The following MTHFD2L variants were observed in gnomAD, a reference collection of about 807,000 sequenced individuals.
MTHFD2L encodes the protein methylenetetrahydrofolate dehydrogenase (NADP+ dependent) 2 like.
In MTHFD2L, 29 loss-of-function variants were observed where a neutral mutation model predicts 34.9. That is an observed-to-expected ratio of 0.83 (90% CI 0.62 to 1.13). The LOEUF (loss-of-function observed/expected upper bound fraction) is 1.13, where lower values mean the gene tolerates loss of function less well. Among genes scored for constraint, MTHFD2L ranks in the 50% most tolerant of loss-of-function variants. The pLI is 0.00. For synonymous variants in MTHFD2L, 167 were observed against 155.7 expected (o/e 1.07, Z -0.54); for missense variants, 481 against 446.5 (o/e 1.08, Z -0.70).
At chr4:74,266,452 A>G (rs1745296449) in intron 6 of MTHFD2L, among the ~76,000 whole-genome samples, 1 of 152,106 alleles carries the variant, frequency 6.6e-6, no homozygotes, top group Non-Finnish European at 1.5e-5. Context: ...CTATTTAATT[A>G]TTTGGGACCA....
chr4:74,199,742 C>A, intron 3 of MTHFD2L, 52 bp from the exon 4 acceptor site: 1 of 1,480,900 alleles, frequency 6.8e-7, no homozygotes, highest in Non-Finnish European at 9.1e-7. Context: ...ATTTTTCAGG[C>A]TACCAAATAA....
At chr4:74,191,061 C>T (rs1732387821) in intron 3 of MTHFD2L, among the ~76,000 whole-genome samples, 1 of 152,002 alleles carries the variant, frequency 6.6e-6, no homozygotes, top group Non-Finnish European at 1.5e-5. Flanking sequence ...CCACCATGCC[C>T]ATCTAATTTT....
intron 3 of MTHFD2L, chr4:74,194,073 G>A (rs957987533): frequency 1.3e-5 from 2 of 152,130 alleles, no homozygotes; most frequent in Non-Finnish European, 2.9e-5. Context: ...GGGACTTAAA[G>A]ATTTGCTTCT....
intron 2 of MTHFD2L, among the ~76,000 whole-genome samples, chr4:74,115,428 C>G (rs1721640981): frequency 6.6e-6 from 1 of 152,198 alleles, no homozygotes; most frequent in South Asian, 2.1e-4. Flanking sequence ...AGTATGACAG[C>G]CTCCCAAGTC....
chr4:74,291,531 T>C (rs531003929), intron 7 of MTHFD2L, among the ~76,000 whole-genome samples: 6 of 152,294 alleles, frequency 3.9e-5, no homozygotes, highest in South Asian at 2.1e-4. Context: ...TAATGATACA[T>C]CCATTGATTC....
intron 1 of MTHFD2L, among the ~76,000 whole-genome samples, chr4:74,127,870 T>C (rs1006822237): frequency 6.6e-6 from 1 of 152,114 alleles, no homozygotes; most frequent in African/African-American, 2.4e-5. Context: ...CACCAACATG[T>C]ATGAGGGTTT....
intron 6 of MTHFD2L, among the ~76,000 whole-genome samples, chr4:74,269,033 C>T (rs1745639907): frequency 6.6e-6 from 1 of 152,068 alleles, no homozygotes; most frequent in African/African-American, 2.4e-5. Flanking sequence ...AAGACATAAG[C>T]TTTAAAGTAG....
intron 1 of MTHFD2L, among the ~76,000 whole-genome samples, chr4:74,139,700 C>T (rs1038321028): frequency 8.5e-5 from 13 of 152,142 alleles, no homozygotes; most frequent in Admixed American, 2.0e-4. Flanking sequence ...AACTCATTCT[C>T]ATATTTGAAT....
At chr4:74,164,895 G>C (rs1726333531) in intron 1 of MTHFD2L, 1 of 855,520 alleles carries the variant, frequency 1.2e-6, no homozygotes, top group African/African-American at 1.8e-5. Context: ...TGGAAGGGAG[G>C]GCACCTTTTC....
intron 6 of MTHFD2L, among the ~76,000 whole-genome samples, chr4:74,273,422 T>C (rs1746240766): frequency 6.6e-6 from 1 of 152,176 alleles, no homozygotes; most frequent in Non-Finnish European, 1.5e-5. Context: ...TATTTCACTT[T>C]TATTTTTTTG....
At chr4:74,223,515 G>A (rs1033009751) in intron 5 of MTHFD2L, among the ~76,000 whole-genome samples, 3 of 151,826 alleles carry the variant, frequency 2.0e-5, no homozygotes, top group Non-Finnish European at 4.4e-5. Context: ...TAATTAATGG[G>A]TACTAGGCTT....
rs756696611 is a variant in MTHFD2L, at chr4:74,158,198, G to A, written c.60G>A (p.Ala20=). 3.3e-5 allele frequency: 51 copies of A among 1,525,800 alleles called. No homozygotes were observed. The highest frequency in any genetic ancestry group is 4.5e-5 in the Non-Finnish European group (51 of 1,137,068). The allele number at this position is 1,525,800 out of a possible 1,614,324, so 94.5% of individuals were successfully genotyped here. Residue 20 remains alanine, a synonymous_variant, in exon 1 of 8, where the codon GCG becomes GCA. Transcript: ENST00000325278. ...LLRGRLGRAP[A]LGRSTAPSVR... ...GCGGCCGCCTTGGCCGAGCGCCGGC[G>A]TTGGGCAGAAGCACAGCACCCTCCG...
chr4:74,213,953 A>C (rs1370422618), intron 5 of MTHFD2L, among the ~76,000 whole-genome samples: 2 of 151,710 alleles, frequency 1.3e-5, no homozygotes, highest in Admixed American at 6.6e-5. Context: ...TTATTTAATT[A>C]AGTTGATCTT....
intron 1 of MTHFD2L, among the ~76,000 whole-genome samples, chr4:74,169,578 A>G (rs1727468667): frequency 6.6e-6 from 1 of 152,222 alleles, no homozygotes; most frequent in Non-Finnish European, 1.5e-5. Context: ...TAACAGATGA[A>G]TCTGCTTCTA....
intron 7 of MTHFD2L, among the ~76,000 whole-genome samples, chr4:74,282,077 T>C (rs1234897713): frequency 2.6e-5 from 4 of 152,010 alleles, no homozygotes; most frequent in Non-Finnish European, 5.9e-5. Context: ...AAGCTAAAGT[T>C]TTTGTGGTCG....
intron 1 of MTHFD2L, among the ~76,000 whole-genome samples, chr4:74,150,533 C>T (rs1225098895): frequency 1.3e-5 from 2 of 152,270 alleles, no homozygotes; most frequent in African/African-American, 2.4e-5. Context: ...GGATTACAGG[C>T]GTAAGCCACC....
chr4:74,271,137 T>A (rs1482361619), intron 6 of MTHFD2L, among the ~76,000 whole-genome samples: 1 of 152,236 alleles, frequency 6.6e-6, no homozygotes, highest in Admixed American at 6.5e-5. Context: ...TTCACTCTAA[T>A]TGTAGTTTCT....
Position 74,140,445 on chromosome 4 carries a change from C to T in MTHFD2L, c.-297+14928C>T, listed in dbSNP as rs115572422. 2.5e-3 allele frequency: 1,117 copies of T among 447,486 alleles called. 9 individuals are homozygous for T. The highest frequency in any genetic ancestry group is 0.022 in the African/African-American group (1,057 of 46,980). The allele number at this position is 447,486 out of a possible 1,614,324, so 27.7% of individuals were successfully genotyped here. On this transcript the variant is annotated intron_variant, in intron 1 of 7. Transcript: ENST00000433372. ...GTTTTAATTTTATGTAATTAATTAA[C>T]TTAATCCACACAAATACTCCTGTTT...
rs1468461327 is a variant in MTHFD2L, at chr4:74,222,714, G to C, written c.713-2588G>C. ...GACATACTTTGATTAAGTAAACTGT[G>C]TCTTTTAGCATGTTCCTTAGGAAAG... On this transcript the variant is annotated intron_variant, in intron 5 of 7. Transcript: ENST00000325278. Among the ~76,000 whole-genome samples, 3 of 152,042 alleles carry C rather than the reference G, an allele frequency of 2.0e-5. No homozygotes were observed. In the East Asian group the frequency reaches 5.8e-4, roughly 29 times the overall value.
Sources: gnomAD v4.1 joint callset for allele counts (sites outside exome capture counted in the v4.1 genomes callset) on GRCh38, gnomAD v4.1.1 for gene constraint, MANE v1.5 for transcripts, NCBI Gene and HGNC (gene_info 2026-07-23, HGNC 2026-07-21) for gene names.